The following SPIDR variants were observed in gnomAD, a reference collection of about 807,000 sequenced individuals.
SPIDR encodes the protein DNA repair-scaffolding protein.
Under a neutral mutation model 104.6 loss-of-function variants are expected in SPIDR, and 93 were observed. The observed-to-expected ratio is 0.89, with a 90% CI of 0.75 to 1.06. SPIDR has a LOEUF of 1.06. Ranked by LOEUF, SPIDR falls within the 50% of genes least tolerant of loss-of-function variation. The probability of loss-of-function intolerance (pLI) is 0.00; values close to 1 mark genes in which losing one functional copy is unlikely to be tolerated. For synonymous variants in SPIDR, 431 were observed against 416.9 expected, an observed-to-expected ratio of 1.03 and a Z score of -0.41; for missense variants, 1,154 against 1,111.2, an observed-to-expected ratio of 1.04 and a Z score of -0.55.
intron 5 of SPIDR, among the ~76,000 whole-genome samples, chr8:47,367,106 C>T (rs1233184400): frequency 6.6e-6 from 1 of 152,116 alleles, no homozygotes; most frequent in Non-Finnish European, 1.5e-5. Context: ...TTTGCCAGAG[C>T]CCTTTAAACC....
intron 13 of SPIDR, 24 bp downstream of exon 13, chr8:47,701,888 T>C: frequency 6.2e-6 from 10 of 1,614,056 alleles, no homozygotes; most frequent in Non-Finnish European, 8.5e-6. Flanking sequence ...TTCTAACAGG[T>C]TTTTTAGGTA....
At chr8:47,511,933 C>G in intron 8 of SPIDR, 2 of 791,470 alleles carry the variant, frequency 2.5e-6, no homozygotes, top group Non-Finnish European at 4.6e-6. Flanking sequence ...GGATGTCACT[C>G]TATTATCACT....
chr8:47,552,313 A>G (rs1423424676), intron 8 of SPIDR, among the ~76,000 whole-genome samples: 1 of 152,002 alleles, frequency 6.6e-6, no homozygotes, highest in Non-Finnish European at 1.5e-5. Flanking sequence ...TGAGTTCAAG[A>G]CCTGGATATC....
intron 5 of SPIDR, among the ~76,000 whole-genome samples, chr8:47,359,223 G>A (rs1411481370): frequency 1.3e-5 from 2 of 150,640 alleles, no homozygotes; most frequent in South Asian, 2.1e-4. Context: ...TCCGCAGTCC[G>A]GCCTGGGCGA....
chr8:47,697,323 ATATT>A (rs1275802455), intron 11 of SPIDR, among the ~76,000 whole-genome samples: 2 of 152,110 alleles, frequency 1.3e-5, no homozygotes, highest in Non-Finnish European at 2.9e-5. Context: ...AACAACACTT[ATATT>A]TATTTTTATG....
intron 8 of SPIDR, among the ~76,000 whole-genome samples, chr8:47,507,509 G>C (rs1166822953): frequency 6.6e-6 from 1 of 152,244 alleles, no homozygotes; most frequent in Non-Finnish European, 1.5e-5. Flanking sequence ...TCAGACAGCT[G>C]GTCATGCAGA....
chr8:47,314,028 T>TC (rs1481104126), intron 5 of SPIDR, among the ~76,000 whole-genome samples: 4 of 152,312 alleles, frequency 2.6e-5, no homozygotes, highest in African/African-American at 9.6e-5. Context: ...ATGTAAGTCT[T>TC]CCCCACTCCA....
Position 47,734,100 on chromosome 8 carries a change from CTT to C in SPIDR, c.2605-1206_2605-1205del, listed in dbSNP as rs575229457. Among the ~76,000 whole-genome samples the C allele has an allele frequency of 1.7e-3, 263 of 152,316 alleles. 2 individuals carry two copies. The highest frequency in any genetic ancestry group is 0.01 in the Middle Eastern group (3 of 294). ...CAATATTCATTCTGTGCACAGAACT[CTT>C]GTTTGGACAGGGCTTCATCCGGATA... is the stretch of plus-strand genomic sequence containing the variant. On this transcript the variant is annotated intron_variant, in intron 19 of 19. Coordinates refer to ENST00000297423, the MANE Select transcript of SPIDR (RefSeq NM_001080394.4).
intron 8 of SPIDR, among the ~76,000 whole-genome samples, chr8:47,464,574 C>A (rs2074459296): frequency 6.6e-6 from 1 of 152,062 alleles, no homozygotes; most frequent in Admixed American, 6.6e-5. Flanking sequence ...GGGGGAATGG[C>A]TGAGTTGAAC....
chr8:47,345,443 C>T (rs1003793065), intron 5 of SPIDR, among the ~76,000 whole-genome samples: 63 of 152,226 alleles, frequency 4.1e-4, no homozygotes, highest in African/African-American at 1.3e-3. Flanking sequence ...CTTGGCAATG[C>T]GGGCTCTTTT....
chr8:47,316,107 A>G (rs1240415649), intron 5 of SPIDR, among the ~76,000 whole-genome samples: 3 of 152,228 alleles, frequency 2.0e-5, no homozygotes, highest in Admixed American at 6.5e-5. Flanking sequence ...CTACAACTGA[A>G]CAATGAAAAT....
chr8:47,595,631 G>C (rs761877183), intron 8 of SPIDR, among the ~76,000 whole-genome samples, 180 bp from the exon 9 acceptor site: 2 of 152,216 alleles, frequency 1.3e-5, no homozygotes, highest in African/African-American at 4.8e-5. Flanking sequence ...CACTAGAACA[G>C]TGAAGTCAGA....
At chr8:47,735,091 T>TGTGG (rs1280220533) in intron 19 of SPIDR, among the ~76,000 whole-genome samples, 1 of 147,178 alleles carries the variant, frequency 6.8e-6, no homozygotes, top group South Asian at 2.2e-4. Context: ...TAAATGGGTG[T>TGTGG]GTGGGTGTGT....
intron 10 of SPIDR, among the ~76,000 whole-genome samples, chr8:47,601,415 G>A (rs1323115972): frequency 1.3e-5 from 2 of 152,192 alleles, no homozygotes; most frequent in African/African-American, 2.4e-5. Flanking sequence ...AAAGGGAGAG[G>A]CTAGGCGCGG....
At chr8:47,735,240 T>C (rs1214614555) in intron 19 of SPIDR, 67 bp from the exon 20 acceptor site, 82 of 1,515,818 alleles carry the variant, frequency 5.4e-5, no homozygotes, top group Non-Finnish European at 7.4e-5. Flanking sequence ...TCTCTGGTTT[T>C]CCGTGTTGTT....
chr8:47,291,139 T>G lies in SPIDR; in HGVS notation c.361+2T>G. 1.3e-6 allele frequency: 2 copies of G among 1,595,316 alleles called. No individual in the cohort carries two copies. Among genetic ancestry groups the G allele is most frequent in the African/African-American group, 1.3e-5 (1 of 74,758 alleles). On this transcript the variant is annotated splice_donor_variant, in intron 4 of 19. Transcript: ENST00000297423. LOFTEE classifies it high-confidence loss of function. The stretch of plus-strand genomic sequence containing the variant: ...AGACACTTTCTCAGTTACAGAGAGG[T>G]AATGGACATTGCTCTAGAATAGACA...
intron 10 of SPIDR, among the ~76,000 whole-genome samples, chr8:47,658,588 A>G (rs201326196): frequency 1.6e-5 from 2 of 125,676 alleles, no homozygotes; most frequent in Admixed American, 8.1e-5. Context: ...TGTTGTTGTT[A>G]ATCTCAGCAG....
intron 1 of SPIDR, chr8:47,276,851 C>A (rs2036529691): frequency 1.3e-5 from 2 of 151,072 alleles, no homozygotes; most frequent in African/African-American, 4.9e-5. Flanking sequence ...TCAGCACCCT[C>A]TTCTTCTGTT....
intron 5 of SPIDR, among the ~76,000 whole-genome samples, chr8:47,362,306 C>T (rs782159692): frequency 5.3e-5 from 8 of 152,128 alleles, no homozygotes; most frequent in African/African-American, 9.7e-5. Context: ...TGTGATTAGC[C>T]GCAGAGTTGA....
Sources: gnomAD v4.1 joint callset for allele counts (sites outside exome capture counted in the v4.1 genomes callset) on GRCh38, gnomAD v4.1.1 for gene constraint, MANE v1.5 for transcripts, NCBI Gene and HGNC (gene_info 2026-07-23, HGNC 2026-07-21) for gene names.